Variants in GFOD1 observed in about 807,000 individuals in gnomAD.
The protein encoded by GFOD1 is glucose-fructose oxidoreductase domain-containing protein 1.
GFOD1 carries 9 observed loss-of-function variants against 25.4 expected under a neutral mutation model. The observed-to-expected ratio is 0.35, with a 90% confidence interval of 0.21 to 0.62. The LOEUF (loss-of-function observed/expected upper bound fraction) is 0.62, where lower values mean the gene tolerates loss of function less well. Ranked by LOEUF, GFOD1 falls within the 20% of genes least tolerant of loss-of-function variation. The pLI is 0.72. For missense variants in GFOD1, 403 were observed against 556.9 expected (o/e 0.72, Z 2.78); for synonymous variants, 253 against 245.6 (o/e 1.03, Z -0.28).
At chr6:13,438,627 T>C (rs1757868929) in intron 1 of GFOD1, among the ~76,000 whole-genome samples, 1 of 152,150 alleles carries the variant, frequency 6.6e-6, no homozygotes, top group South Asian at 2.1e-4. Context: ...AACATATATA[T>C]TATTTATATC....
At chr6:13,381,584 G>T (rs1327679966) in intron 1 of GFOD1, among the ~76,000 whole-genome samples, 1 of 152,192 alleles carries the variant, frequency 6.6e-6, no homozygotes, top group East Asian at 1.9e-4. Context: ...AACAAGTCTG[G>T]CCTGGGGCTC....
In GFOD1 at chr6:13,364,643, T is replaced by G; in HGVS notation, c.*100A>C. On this transcript the variant is annotated 3_prime_UTR_variant, in exon 2 of 2. Coordinates refer to ENST00000379287, the MANE Select transcript of GFOD1 (RefSeq NM_018988.4). The surrounding 1 kb of genome is among the most constrained non-coding windows in gnomAD (Gnocchi z 4.1). ...TATTCACACTGTCCCTCCACCTCCC[T>G]GATCCCCACATTCCCCATGGTCACC... is the stretch of plus-strand genomic sequence containing the variant. 5 of 1,018,240 alleles carry G rather than the reference T, an allele frequency of 4.9e-6. No individual in the cohort carries two copies. The South Asian group carries it at 7.7e-5, about 16-fold the overall frequency. 63.1% of individuals were successfully genotyped at this position (1,018,240 alleles called of 1,614,324 possible). A position where few individuals can be genotyped will look rare whatever the true frequency, so the allele number is the denominator to read the frequency against.
intron 1 of GFOD1, among the ~76,000 whole-genome samples, chr6:13,444,726 ATAC>A (rs1757976203): frequency 6.6e-6 from 1 of 152,206 alleles, no homozygotes; most frequent in Non-Finnish European, 1.5e-5. Context: ...TTTAGACATA[ATAC>A]TACTGCACAC....
intron 1 of GFOD1, among the ~76,000 whole-genome samples, chr6:13,452,474 G>C (rs926356746): frequency 5.3e-5 from 8 of 152,174 alleles, no homozygotes; most frequent in Admixed American, 2.0e-4. Context: ...CACAGTTCTG[G>C]AGTTGGGAAG....
chr6:13,427,962 C>T (rs1236885200), intron 1 of GFOD1, among the ~76,000 whole-genome samples: 1 of 152,114 alleles, frequency 6.6e-6, no homozygotes. Context: ...AGAGAAAAAT[C>T]GCAAGTCCCC....
intron 1 of GFOD1, among the ~76,000 whole-genome samples, chr6:13,478,893 GAAACCCCCCTAA>G (rs763849056): frequency 7.2e-5 from 11 of 152,012 alleles, no homozygotes; most frequent in Non-Finnish European, 1.6e-4. Flanking sequence ...CGTCATGTGG[GAAACCCCCCTAA>G]GCACCCCCAC....
chr6:13,447,443 A>C (rs576860597), intron 1 of GFOD1, among the ~76,000 whole-genome samples: 15 of 152,268 alleles, frequency 9.9e-5, no homozygotes, highest in Admixed American at 3.3e-4. Context: ...ATATGAACTT[A>C]AGATATTCTG....
chr6:13,397,668 C>T (rs1320116425), intron 1 of GFOD1, among the ~76,000 whole-genome samples: 1 of 152,216 alleles, frequency 6.6e-6, no homozygotes, highest in Non-Finnish European at 1.5e-5. Context: ...GGGTGGGGAA[C>T]AGGACAAATA....
At chr6:13,445,127 G>A (rs1390974414) in intron 1 of GFOD1, among the ~76,000 whole-genome samples, 1 of 152,128 alleles carries the variant, frequency 6.6e-6, no homozygotes, top group Non-Finnish European at 1.5e-5. Flanking sequence ...AAGGAAGAGG[G>A]CTCAGCAGCC....
chr6:13,379,382 G>T (rs188022733), intron 1 of GFOD1, among the ~76,000 whole-genome samples: 2 of 152,146 alleles, frequency 1.3e-5, no homozygotes, highest in Non-Finnish European at 2.9e-5. Context: ...ACACAGCCAG[G>T]CTTGGCCAAC....
In GFOD1 at chr6:13,372,997, T is replaced by C. The variant is rs149203965; in HGVS notation, c.254-7335A>G. Among the ~76,000 whole-genome samples the C allele has an allele frequency of 9.2e-5, 14 of 152,346 alleles. 2 individuals are homozygous for C. The highest frequency in any genetic ancestry group is 3.4e-4 in the African/African-American group (14 of 41,578). Reference sequence around the variant, plus strand: ...TCAGATATGGCTTCCTATTTTTTCCTCGCATTTGCAGAAGGTAGAGACGGC... The same window carrying C: ...TCAGATATGGCTTCCTATTTTTTCCCCGCATTTGCAGAAGGTAGAGACGGC... On this transcript the variant is annotated intron_variant, in intron 1 of 1. Coordinates refer to ENST00000379287, the MANE Select transcript of GFOD1 (RefSeq NM_018988.4).
At chr6:13,470,302 G>A (rs573562416) in intron 1 of GFOD1, 2 of 1,584,584 alleles carry the variant, frequency 1.3e-6, no homozygotes, top group South Asian at 2.3e-5. Flanking sequence ...GTGGCTGGAG[G>A]CCCGCTGCAT....
At chr6:13,378,320 A>C (rs142534122) in intron 1 of GFOD1, among the ~76,000 whole-genome samples, 2 of 152,246 alleles carry the variant, frequency 1.3e-5, no homozygotes, top group African/African-American at 2.4e-5. Flanking sequence ...GGGTTAATAA[A>C]GGAAGTGCCA....
chr6:13,421,856 ACGAGG>A (rs1201568597), intron 1 of GFOD1, among the ~76,000 whole-genome samples: 9 of 152,352 alleles, frequency 5.9e-5, no homozygotes, highest in African/African-American at 1.9e-4. Context: ...TGCCGGGCAC[ACGAGG>A]CCTTTCCCGG....
chr6:13,374,303 G>T (rs1461375453), intron 1 of GFOD1, among the ~76,000 whole-genome samples: 27 of 148,908 alleles, frequency 1.8e-4, no homozygotes, highest in Non-Finnish European at 1.5e-4. Context: ...GTGTGTGTGT[G>T]TGTTTGTTTT....
chr6:13,448,472 G>T (rs530695625), intron 1 of GFOD1, among the ~76,000 whole-genome samples: 1 of 152,310 alleles, frequency 6.6e-6, no homozygotes, highest in East Asian at 1.9e-4. Context: ...AAAGTGGCTG[G>T]CCAATGGTTT....
chr6:13,465,918 C>T (rs1451699944), intron 1 of GFOD1, among the ~76,000 whole-genome samples: 1 of 152,218 alleles, frequency 6.6e-6, no homozygotes, highest in Non-Finnish European at 1.5e-5. Context: ...TGTCATCATA[C>T]CAAATATCTC....
chr6:13,455,204 A>G (rs1049029634), intron 1 of GFOD1, among the ~76,000 whole-genome samples: 1 of 152,134 alleles, frequency 6.6e-6, no homozygotes, highest in Non-Finnish European at 1.5e-5. Context: ...GGCAGTGAGC[A>G]ATACACCCAG....
At chr6:13,384,056 G>A (rs143045928) in intron 1 of GFOD1, among the ~76,000 whole-genome samples, 72 of 152,192 alleles carry the variant, frequency 4.7e-4, no homozygotes, top group African/African-American at 1.6e-3. Flanking sequence ...GCAAAACTCC[G>A]TCTCTACTAA....
Sources: allele counts gnomAD v4.1 joint callset (sites outside exome capture counted in the v4.1 genomes callset), GRCh38; gene constraint gnomAD v4.1.1; non-coding constraint Gnocchi (gnomAD v3.1); transcripts MANE v1.5; gene names NCBI Gene and HGNC (gene_info 2026-07-23, HGNC 2026-07-21).